The following MUC3A variants were observed in gnomAD, a reference collection of about 807,000 sequenced individuals.
MUC3A encodes mucin 3A, cell surface associated.
In MUC3A, 109 loss-of-function variants were observed where a neutral mutation model predicts 109.0. The ratio of observed to expected loss-of-function variants is 1.00; its 90% CI spans 0.86 to 1.17. MUC3A has a LOEUF of 1.17. Ranked by LOEUF, MUC3A falls within the 50% of genes most tolerant of loss-of-function variation. The pLI, the probability that MUC3A is intolerant of heterozygous loss-of-function variation, is 0.00. For missense variants in MUC3A, 3,537 were observed against 2,469.4 expected (o/e 1.43, Z -9.16); for synonymous variants, 1,398 against 981.4 (o/e 1.42, Z -7.93).
Position 100,959,176 on chromosome 7 carries a change from C to G in MUC3A, c.7397C>G (p.Ser2466Ter). The G allele has an allele frequency of 6.3e-7, 1 of 1,598,294 alleles. No individual in the cohort carries two copies. Among genetic ancestry groups the G allele is most frequent in the Non-Finnish European group, 8.5e-7 (1 of 1,179,754 alleles). ...GCCATCACCTCACATTTTACTACCTCAGAGACTGCGGTGACTCCCACACCT... is the reference window on the plus strand; with the variant it reads ...GCCATCACCTCACATTTTACTACCTGAGAGACTGCGGTGACTCCCACACCT... ...TTAITSHFTTSETAVTPTPVT... is the reference protein window; with the variant it reads ...TTAITSHFTT The change falls in exon 2 of 12, where the codon TCA (serine) becomes TGA (stop). Residue 2466 changes from serine (S) to a stop codon, truncating the protein, a stop_gained. Transcript: ENST00000379458. LOFTEE classifies it high-confidence loss of function.
chr7:100,966,341 C>A, intron 8 of MUC3A, 45 bp from the exon 9 acceptor site: 1 of 1,273,880 alleles, frequency 7.9e-7, no homozygotes, highest in Non-Finnish European at 9.9e-7. Context: ...CGGGTGGACC[C>A]CGAGCCCGGA....
chr7:100,950,032 C>T (rs1157758675), intron 1 of MUC3A, among the ~76,000 whole-genome samples: 2 of 152,280 alleles, frequency 1.3e-5, no homozygotes, highest in African/African-American at 4.8e-5. Flanking sequence ...AGAGCAGTGC[C>T]CTTCCTGTCT....
chr7:100,966,737 G>A lies in MUC3A; in HGVS notation c.9871G>A (p.Gly3291Arg). The A allele has an allele frequency of 6.3e-7, 1 of 1,598,550 alleles. No homozygotes were observed. Among genetic ancestry groups the A allele is most frequent in the Non-Finnish European group, 8.5e-7 (1 of 1,179,830 alleles). Residue 3291 changes from glycine (G) to arginine (R), a missense_variant, in exon 10 of 12, where the codon GGA becomes AGA. Transcript: ENST00000379458. ...TFSNWGFEDDGTDKDTNFYVA... is the reference protein window; with the variant it reads ...TFSNWGFEDDRTDKDTNFYVA... The stretch of plus-strand genomic sequence containing the variant: ...TTCAAACTGGGGTTTCGAGGACGAC[G>A]GAACAGGTGAGTCCTGCCTCCTGGG...
chr7:100,958,556 G>C lies in MUC3A; in HGVS notation c.6777G>C (p.Ser2259=), dbSNP rs142726350. ...TSHSTPSFTS[S]ITTTETTSHD... is the part of the protein sequence containing the mutation. ...ACAGTACTCCCAGCTTCACTTCTTC[G>C]ATCACCACCACTGAGACCACCTCAC... The change falls in exon 2 of 12, where the codon TCG becomes TCC. Residue 2259 remains serine (S), a synonymous_variant. Coordinates refer to ENST00000379458, the MANE Select transcript of MUC3A (RefSeq NM_005960.2). 6 of 212,462 alleles carry C rather than the reference G, an allele frequency of 2.8e-5. No homozygotes were observed. In the East Asian group the frequency reaches 4.5e-4, roughly 16 times the overall value. The allele number at this position is 212,462 out of a possible 1,614,324, so 13.2% of individuals were successfully genotyped here. A position where few individuals can be genotyped will look rare whatever the true frequency, so the allele number is the denominator to read the frequency against.
rs1219451463 is a variant in MUC3A at position 100,956,825 on chromosome 7, A to T, written c.5046A>T (p.Ser1682=). ...VGTTHTQSIS[S]PPAITSTLHT... ...CCACTCACACCCAGAGTATCTCCTCACCCCCAGCCATCACCAGTACACTCC... is the reference window on the plus strand; with the variant it reads ...CCACTCACACCCAGAGTATCTCCTCTCCCCCAGCCATCACCAGTACACTCC... The change falls in exon 2 of 12, where the codon TCA becomes TCT. Residue 1682 remains serine, a synonymous_variant. Coordinates refer to ENST00000379458, the MANE Select transcript of MUC3A (RefSeq NM_005960.2). 4.9e-6 allele frequency: 2 copies of T among 410,802 alleles called. No individual in the cohort carries two copies. The highest frequency in any genetic ancestry group is 8.5e-6 in the Non-Finnish European group (2 of 234,626). 25.4% of individuals were successfully genotyped at this position (410,802 alleles called of 1,614,324 possible).
chr7:100,952,199 C>A lies in MUC3A; in HGVS notation c.420C>A (p.His140Gln). Residue 140 changes from histidine to glutamine, a missense_variant, in exon 2 of 12, where the codon CAC becomes CAA. Coordinates refer to ENST00000379458, the MANE Select transcript of MUC3A (RefSeq NM_005960.2). ...CGAGCTTTATAATCACCATCTCCCA[C>A]CCCACCTCCATCTGTGTGACCACGA... ...YPTSFIITIS[H>Q]PTSICVTTTQ... 6.3e-7 allele frequency: 1 copy of A among 1,598,566 alleles called. No homozygotes were observed. Among genetic ancestry groups the A allele is most frequent in the Non-Finnish European group, 8.5e-7 (1 of 1,179,802 alleles).
In MUC3A at chr7:100,959,898, A is replaced by G. The variant is rs567353666; in HGVS notation, c.8119A>G (p.Ile2707Val). 82 of 1,534,796 alleles carry G rather than the reference A, an allele frequency of 5.3e-5. No homozygotes were observed. In the African/African-American group the frequency reaches 9.4e-4, roughly 18 times the overall value. Reference sequence around the variant, plus strand: ...CATAACTCCAGTGTTTTCCACTACCATTCATTCTGTTCCTTCTTCACCATA... The same window carrying G: ...CATAACTCCAGTGTTTTCCACTACCGTTCATTCTGTTCCTTCTTCACCATA... ...ASITPVFSTT[I>V]HSVPSSPYIF... Residue 2707 changes from isoleucine to valine, a missense_variant, in exon 2 of 12, where the codon ATT becomes GTT. Transcript: ENST00000379458.
intron 10 of MUC3A, 22 bp downstream of exon 10, chr7:100,966,765 A>G (rs756558460): frequency 2.5e-6 from 4 of 1,598,534 alleles, no homozygotes. Context: ...CTCCTGGGGA[A>G]GCAGGCAGAG....
Position 100,966,449 on chromosome 7 carries a change from G to A in MUC3A, c.9675G>A (p.Arg3225=). 1 of 1,347,518 alleles carries A rather than the reference G, an allele frequency of 7.4e-7. No homozygotes were observed. The highest frequency in any genetic ancestry group is 9.5e-7 in the Non-Finnish European group (1 of 1,057,420). 83.5% of individuals were successfully genotyped at this position (1,347,518 alleles called of 1,614,324 possible). ...GCTGCGAGGTGGCCGTCCACTGGAGGGCGCTGGTCGGGGGCCTGACGGCCG... is the reference window on the plus strand; with the variant it reads ...GCTGCGAGGTGGCCGTCCACTGGAGAGCGCTGGTCGGGGGCCTGACGGCCG... ...GPRCEVAVHW[R]ALVGGLTAGA... Residue 3225 remains arginine (R), a synonymous_variant, in exon 9 of 12, where the codon AGG becomes AGA. Coordinates refer to ENST00000379458, the MANE Select transcript of MUC3A (RefSeq NM_005960.2).
Position 100,958,885 on chromosome 7 carries a change from C to A in MUC3A, c.7106C>A (p.Ser2369Ter), listed in dbSNP as rs1341367165. Residue 2369 changes from serine (S) to a stop codon, truncating the protein, a stop_gained, in exon 2 of 12, where the codon TCA (serine) becomes TAA (stop). Coordinates refer to ENST00000379458, the MANE Select transcript of MUC3A (RefSeq NM_005960.2). LOFTEE classifies it high-confidence loss of function. Reference sequence around the variant, plus strand: ...TCGATCACCACCACCGAGACCACCTCACACAGTACTCCCAGCTTCAGTTCT... The same window carrying A: ...TCGATCACCACCACCGAGACCACCTAACACAGTACTCCCAGCTTCAGTTCT... The part of the protein sequence containing the change: ...TSSITTTETT[S>*]HSTPSFSSSI... 1.3e-6 allele frequency: 2 copies of A among 1,594,580 alleles called. No homozygotes were observed. The highest frequency in any genetic ancestry group is 1.7e-6 in the Non-Finnish European group (2 of 1,177,340).
chr7:100,961,305 G>A (rs1284739386), intron 3 of MUC3A, among the ~76,000 whole-genome samples: 1 of 147,796 alleles, frequency 6.8e-6, no homozygotes, highest in Non-Finnish European at 1.5e-5. Flanking sequence ...TGAAATCAAG[G>A]CGTCACCAGG....
At position 100,955,965 on chromosome 7, in the gene MUC3A, A is replaced by G; in HGVS notation, c.4186A>G (p.Thr1396Ala). ...CACTTCTTCAATCACTCCCACCGAT[A>G]CAATGACTTCTATGAGAACTACGAC... is the stretch of plus-strand genomic sequence containing the variant. Reference protein sequence around the residue: ...PITSSITPTDTMTSMRTTTSW... With the variant: ...PITSSITPTDAMTSMRTTTSW... Residue 1396 changes from threonine (T) to alanine (A), a missense_variant, in exon 2 of 12, where the codon ACA becomes GCA. By Grantham distance (58) the Thr-to-Ala change is moderately conservative. Transcript: ENST00000379458. 1.9e-6 allele frequency: 1 copy of G among 517,868 alleles called. No individual in the cohort carries two copies. The highest frequency in any genetic ancestry group is 3.4e-6 in the Non-Finnish European group (1 of 292,452). 32.1% of individuals were successfully genotyped at this position (517,868 alleles called of 1,614,324 possible).
At chr7:100,961,595 AG>A (rs1792329175) in intron 3 of MUC3A, among the ~76,000 whole-genome samples, 2 of 152,416 alleles carry the variant, frequency 1.3e-5, no homozygotes, top group East Asian at 3.9e-4. Context: ...TGGGAGGCTG[AG>A]GGGGTAGGAT....
intron 5 of MUC3A, 80 bp downstream of exon 5, chr7:100,963,832 T>C (rs1792426206): frequency 5.7e-6 from 9 of 1,576,376 alleles, no homozygotes; most frequent in South Asian, 1.1e-5. Flanking sequence ...TCCTTTCTTT[T>C]GTAATCATCA....
Position 100,957,622 on chromosome 7 carries a change from C to T in MUC3A, c.5843C>T (p.Thr1948Ile). 5 of 1,328,190 alleles carry T rather than the reference C, an allele frequency of 3.8e-6. No homozygotes were observed. Among genetic ancestry groups the T allele is most frequent in the Non-Finnish European group, 4.8e-6 (5 of 1,050,516 alleles). 82.3% of individuals were successfully genotyped at this position (1,328,190 alleles called of 1,614,324 possible). The part of the protein sequence containing the change: ...TPRFTSSITN[T>I]KTTSHSSPSF... The stretch of plus-strand genomic sequence containing the variant: ...AGATTCACTTCTTCAATCACCAATA[C>T]CAAGACCACCTCACACAGCTCTCCC... The change falls in exon 2 of 12, where the codon ACC (threonine) becomes ATC (isoleucine). Residue 1948 changes from threonine to isoleucine, a missense_variant. By Grantham distance (89) the Thr-to-Ile change is moderately conservative. Transcript: ENST00000379458.
rs762678050 is a variant in MUC3A, at chr7:100,959,049, C to G, written c.7270C>G (p.Pro2424Ala). The G allele has an allele frequency of 4.6e-6, 7 of 1,537,314 alleles. No individual in the cohort carries two copies. The highest frequency in any genetic ancestry group is 3.7e-5 in the Admixed American group (2 of 54,764). ...CACTGAGACTACCTCACACAGTACT[C>G]CTGGCTTCACTTCTTCAATCACCAC... is the stretch of plus-strand genomic sequence containing the variant. ...TTTETTSHSTPGFTSSITTTE... is the reference protein window; with the variant it reads ...TTTETTSHSTAGFTSSITTTE... The change falls in exon 2 of 12, where the codon CCT (proline) becomes GCT (alanine). Residue 2424 changes from proline (P) to alanine (A), a missense_variant. Pro to Ala is a conservative substitution (Grantham distance 27, BLOSUM62 -1). Coordinates refer to ENST00000379458, the MANE Select transcript of MUC3A (RefSeq NM_005960.2).
intron 7 of MUC3A, 79 bp downstream of exon 7, chr7:100,965,426 G>C: frequency 6.4e-7 from 1 of 1,551,940 alleles, no homozygotes; most frequent in Non-Finnish European, 8.7e-7. Flanking sequence ...ATTGAAGCCT[G>C]TGGGCAGGGA....
chr7:100,951,936 C>G lies in MUC3A; in HGVS notation c.157C>G (p.Leu53Val), dbSNP rs753609941. The G allele has an allele frequency of 2.5e-6, 4 of 1,598,620 alleles. No homozygotes were observed. The South Asian group carries it at 4.4e-5, about 18-fold the overall frequency. ...VLSNSPHSRD[L>V]AGWPLGVPQL... ...CAGCAATTCTCCACACTCCAGAGACCTGGCTGGGTGGCCACTTGGTGTCCC... is the reference window on the plus strand; with the variant it reads ...CAGCAATTCTCCACACTCCAGAGACGTGGCTGGGTGGCCACTTGGTGTCCC... The change falls in exon 2 of 12, where the codon CTG becomes GTG. Residue 53 changes from leucine (L) to valine (V), a missense_variant. By Grantham distance (32) the Leu-to-Val change is conservative (BLOSUM62 1). Coordinates refer to ENST00000379458, the MANE Select transcript of MUC3A (RefSeq NM_005960.2).
Position 100,958,951 on chromosome 7 carries a change from G to C in MUC3A, c.7172G>C (p.Gly2391Ala). ...TTETPLHSTP[G>A]LTSWVTTTKT... ...GAGACCCCCTTACACAGTACTCCTG[G>C]CCTCACTTCGTGGGTCACCACCACC... The change falls in exon 2 of 12, where the codon GGC becomes GCC. Residue 2391 changes from glycine (G) to alanine (A), a missense_variant. Gly to Ala is a moderately conservative substitution (Grantham distance 60, BLOSUM62 0). Coordinates refer to ENST00000379458, the MANE Select transcript of MUC3A (RefSeq NM_005960.2). 3.5e-6 allele frequency: 5 copies of C among 1,441,940 alleles called. No individual in the cohort carries two copies. The highest frequency in any genetic ancestry group is 4.5e-6 in the Non-Finnish European group (5 of 1,105,292). The allele number at this position is 1,441,940 out of a possible 1,614,324, so 89.3% of individuals were successfully genotyped here.
Sources: allele counts gnomAD v4.1 joint callset (sites outside exome capture counted in the v4.1 genomes callset), GRCh38; gene constraint gnomAD v4.1.1; transcripts MANE v1.5; gene names NCBI Gene and HGNC (gene_info 2026-07-23, HGNC 2026-07-21).